The following TJP1 variants were observed in gnomAD, a reference collection of about 807,000 sequenced individuals.
The protein encoded by TJP1 is tight junction protein 1.
Under a neutral mutation model 194.2 loss-of-function variants are expected in TJP1, and 43 were observed. That is an observed-to-expected ratio of 0.22 (90% CI 0.17 to 0.29). The LOEUF (loss-of-function observed/expected upper bound fraction) is 0.29. Ranked by LOEUF, TJP1 falls within the 10% of genes least tolerant of loss-of-function variation. The probability of loss-of-function intolerance (pLI) is 1.00; values close to 1 mark genes in which losing one functional copy is unlikely to be tolerated. For synonymous variants in TJP1, 801 were observed against 779.0 expected, an observed-to-expected ratio of 1.03 and a Z score of -0.47; for missense variants, 1,971 against 2,185.7, an observed-to-expected ratio of 0.90 and a Z score of 1.96.
At chr15:29,863,069 CG>C (rs1407015536) in intron 2 of TJP1, among the ~76,000 whole-genome samples, 1 of 151,530 alleles carries the variant, frequency 6.6e-6, no homozygotes, top group East Asian at 2.0e-4. Flanking sequence ...CCAAGGTGGG[CG>C]GATTCCCTGA....
intron 2 of TJP1, among the ~76,000 whole-genome samples, chr15:29,786,578 T>C (rs1400250473): frequency 1.3e-5 from 2 of 152,162 alleles, no homozygotes; most frequent in African/African-American, 4.8e-5. Context: ...CAGCTGACTG[T>C]AACCTCAAAC....
At chr15:29,954,501 T>A (rs2055867979) in intron 2 of TJP1, among the ~76,000 whole-genome samples, 3 of 152,216 alleles carry the variant, frequency 2.0e-5, no homozygotes, top group Admixed American at 2.0e-4. Context: ...CTTGATTAAT[T>A]CAATGTTTCA....
chr15:29,764,191 C>T (rs2046188535), intron 5 of TJP1, among the ~76,000 whole-genome samples: 1 of 152,026 alleles, frequency 6.6e-6, no homozygotes, highest in Non-Finnish European at 1.5e-5. Context: ...GGCAGAAACA[C>T]AAGGGTTCTT....
At chr15:29,914,851 A>C (rs1567192303) in intron 2 of TJP1, among the ~76,000 whole-genome samples, 3 of 143,714 alleles carry the variant, frequency 2.1e-5, no homozygotes, top group Admixed American at 2.1e-4. Context: ...CACACCCTGC[A>C]ACACACACAC....
chr15:29,811,475 C>T (rs191136924), intron 1 of TJP1, among the ~76,000 whole-genome samples: 223 of 151,898 alleles, frequency 1.5e-3, no homozygotes, highest in African/African-American at 5.2e-3. Context: ...GTTGAAAGTA[C>T]GGATAAAACA....
rs948516864 is a variant in TJP1, at chr15:29,710,776, G to C, written c.4372+55C>G. 3 of 1,607,944 alleles carry C rather than the reference G, an allele frequency of 1.9e-6. No individual in the cohort carries two copies. In the African/African-American group the frequency reaches 4.0e-5, roughly 21 times the overall value. ...AAACCATTTTGCCTAGAAACCACCA[G>C]AATTTTACTTCATAAGCATTACTGT... On this transcript the variant is annotated intron_variant, in intron 24 of 27. Transcript: ENST00000614355.
chr15:29,927,694 C>A (rs995085804), intron 2 of TJP1, among the ~76,000 whole-genome samples: 4 of 152,094 alleles, frequency 2.6e-5, no homozygotes, highest in African/African-American at 9.7e-5. Context: ...AGGTGAGCCA[C>A]GCATATGGGG....
At chr15:29,814,668 AAATT>A (rs772437002) in intron 1 of TJP1, among the ~76,000 whole-genome samples, 2 of 152,184 alleles carry the variant, frequency 1.3e-5, no homozygotes, top group Non-Finnish European at 2.9e-5. Context: ...AAGTCAAAAA[AAATT>A]AATTAAACCA....
At chr15:29,821,894 G>A (rs1596037540) in intron 1 of TJP1, 108 bp downstream of exon 1, 2 of 1,039,404 alleles carry the variant, frequency 1.9e-6, no homozygotes, top group Non-Finnish European at 1.2e-6. Flanking sequence ...CCGCCGCCCC[G>A]GGGCCCAGAC....
At chr15:29,818,010 TAA>T (rs879780459) in intron 1 of TJP1, among the ~76,000 whole-genome samples, 2 of 141,044 alleles carry the variant, frequency 1.4e-5, no homozygotes, top group African/African-American at 2.6e-5. Context: ...AGAACTTAAT[TAA>T]AAAAAAAAAA....
At chr15:29,715,505 A>T (rs538190721) in intron 23 of TJP1, among the ~76,000 whole-genome samples, 2 of 152,226 alleles carry the variant, frequency 1.3e-5, no homozygotes, top group African/African-American at 4.8e-5. Flanking sequence ...AACAATTTAC[A>T]CTCAATAGTA....
intron 2 of TJP1, among the ~76,000 whole-genome samples, chr15:29,775,369 G>C (rs1455042122): frequency 6.6e-6 from 1 of 151,396 alleles, no homozygotes; most frequent in African/African-American, 2.4e-5. Flanking sequence ...GATCTACAGG[G>C]AGAAGGAATC....
intron 2 of TJP1, among the ~76,000 whole-genome samples, chr15:29,866,843 C>T (rs1377038746): frequency 6.6e-6 from 1 of 152,326 alleles, no homozygotes; most frequent in East Asian, 1.9e-4. Context: ...GATCTGCAGG[C>T]TCTTTCCAGG....
At chr15:29,847,084 T>C (rs998246405) in intron 2 of TJP1, among the ~76,000 whole-genome samples, 4 of 152,158 alleles carry the variant, frequency 2.6e-5, no homozygotes, top group African/African-American at 7.2e-5. Context: ...AAACGATACA[T>C]AGTTTACTTT....
intron 5 of TJP1, among the ~76,000 whole-genome samples, chr15:29,763,763 G>C (rs1392159479): frequency 1.6e-5 from 1 of 62,762 alleles, no homozygotes; most frequent in African/African-American, 5.2e-5. Context: ...GTGAGACTCC[G>C]TCTCAAAAAA....
rs557295224 is a variant in TJP1 at position 29,758,625 on chromosome 15, A to G, written c.1010+2514T>C. 5.9e-5 allele frequency among the ~76,000 whole-genome samples: 9 copies of G among 152,324 alleles called. No homozygotes were observed. The South Asian group carries it at 1.9e-3, about 32-fold the overall frequency. ...GGGGAAATCATGTCCAAATTACTTAAGCATGGTTTCTAGCTGAGAAATAGA... is the reference window on the plus strand; with the variant it reads ...GGGGAAATCATGTCCAAATTACTTAGGCATGGTTTCTAGCTGAGAAATAGA... On this transcript the variant is annotated intron_variant, in intron 8 of 27. Coordinates refer to ENST00000614355, the MANE Select transcript of TJP1 (RefSeq NM_001330239.4).
At chr15:29,787,849 A>G (rs1030588921) in intron 2 of TJP1, among the ~76,000 whole-genome samples, 34 of 152,196 alleles carry the variant, frequency 2.2e-4, no homozygotes, top group African/African-American at 8.2e-4. Context: ...TATACCTATG[A>G]GAGGAATTGC....
chr15:29,728,653 A>AC (rs1451323156), intron 15 of TJP1: 1 of 152,278 alleles, frequency 6.6e-6, no homozygotes, highest in East Asian at 1.9e-4. Flanking sequence ...CTGGTTTCCA[A>AC]CCAACCATCT....
Position 29,742,658 on chromosome 15 carries a change from T to C in TJP1, c.1134A>G (p.Gln378=). The part of the protein sequence containing the change: ...EEVTVERNEK[Q]TPSLPEPKPV... ...TATGCTTACCTGGAAGAGAAGGTGT[T>C]TGTTTCTCATTTCTTTCAACTGTAA... The change falls in exon 9 of 28, where the codon CAA becomes CAG. Residue 378 remains glutamine (Q), a synonymous_variant. Transcript: ENST00000614355. 1 of 1,583,780 alleles carries C rather than the reference T, an allele frequency of 6.3e-7. No individual in the cohort carries two copies. Among genetic ancestry groups the C allele is most frequent in the Non-Finnish European group, 8.6e-7 (1 of 1,167,438 alleles).
Sources: allele counts gnomAD v4.1 joint callset (sites outside exome capture counted in the v4.1 genomes callset), GRCh38; gene constraint gnomAD v4.1.1; transcripts MANE v1.5; gene names NCBI Gene and HGNC (gene_info 2026-07-23, HGNC 2026-07-21).